CD72: variants seen among roughly 807,000 people sequenced by gnomAD.
CD72 encodes the protein B-cell differentiation antigen CD72.
In CD72, 28 loss-of-function variants were observed where a neutral mutation model predicts 50.7. That is an observed-to-expected ratio of 0.55 (90% CI 0.41 to 0.76). CD72 has a LOEUF of 0.76. Among genes scored for constraint, CD72 ranks in the 30% least tolerant of loss-of-function variants. CD72 has a pLI of 0.00. For synonymous variants in CD72, 176 were observed against 171.2 expected (o/e 1.03, Z -0.22); for missense variants, 403 against 420.6 (o/e 0.96, Z 0.37).
In CD72 at chr9:35,616,276, G is replaced by T. The variant is rs1490378715; in HGVS notation, c.355C>A (p.Leu119Met). The T allele has an allele frequency of 6.2e-7, 1 of 1,611,068 alleles. No homozygotes were observed. Among genetic ancestry groups the T allele is most frequent in the African/African-American group, 1.3e-5 (1 of 74,868 alleles). Residue 119 changes from leucine (L) to methionine (M), a missense_variant and splice_region_variant, in exon 5 of 9, where the codon CTG (leucine) becomes ATG (methionine). Transcript: ENST00000259633. Reference protein sequence around the residue: ...VTAICLGVRYLQVSQQLQQTN... With the variant: ...VTAICLGVRYMQVSQQLQQTN... ...TGCTGGAGCTGCTGAGACACCTGCA[G>T]ATCTGTTTGGCCACAGAGATTTGGT...
chr9:35,616,562 G>T, intron 4 of CD72, 38 bp downstream of exon 4: 1 of 1,516,972 alleles, frequency 6.6e-7, no homozygotes, highest in Non-Finnish European at 9.2e-7. Context: ...GACGAAAGTC[G>T]TTCGGTGTAA....
intron 1 of CD72, among the ~76,000 whole-genome samples, chr9:35,637,643 G>C (rs1051224785): frequency 1.3e-5 from 2 of 152,132 alleles, no homozygotes; most frequent in African/African-American, 2.4e-5. Flanking sequence ...CAAAACTCCG[G>C]CGCTGGTCAT....
chr9:35,614,027 A>G (rs1823032313), intron 5 of CD72, among the ~76,000 whole-genome samples: 1 of 152,136 alleles, frequency 6.6e-6, no homozygotes, highest in South Asian at 2.1e-4. Context: ...TCAAAAAAAA[A>G]AAAAAAGAAA....
intron 1 of CD72, among the ~76,000 whole-genome samples, chr9:35,639,632 G>C (rs12376747): frequency 0.41 from 61,683 of 151,954 alleles, 13,277 homozygotes; most frequent in Non-Finnish European, 0.47. Flanking sequence ...GAAAAAAGAG[G>C]TCATCTGTCC....
At chr9:35,624,956 C>T (rs189564212) in intron 1 of CD72, among the ~76,000 whole-genome samples, 17 of 152,098 alleles carry the variant, frequency 1.1e-4, no homozygotes, top group Non-Finnish European at 2.1e-4. Context: ...CTGGCTATTC[C>T]CTGTCTTGCT....
chr9:35,610,435 C>CT, intron 8 of CD72, 135 bp from the exon 9 acceptor site: 1 of 298,724 alleles, frequency 3.3e-6, no homozygotes, highest in South Asian at 2.8e-5. Context: ...CTGTCCCTCC[C>CT]TGCCCACCCC....
chr9:35,625,928 CTGCTCAT>C (rs1361868721), intron 1 of CD72, among the ~76,000 whole-genome samples: 2 of 152,162 alleles, frequency 1.3e-5, no homozygotes, highest in South Asian at 2.1e-4. Context: ...CAAGATATTA[CTGCTCAT>C]TGGCAATGTG....
At position 35,637,164 on chromosome 9, in the gene CD72, C is replaced by T. The variant is rs879558802; in HGVS notation, n.408+9239G>A. On this transcript the variant is annotated intron_variant and non_coding_transcript_variant, in intron 1 of 3. Transcript: ENST00000465754. ...TTTGTAAGAAGATCTACCCCCTGCC[C>T]GCAAAAAATTGCTCCTAACTCTATC... is the stretch of plus-strand genomic sequence containing the variant. Among the ~76,000 whole-genome samples the T allele has an allele frequency of 7.2e-5, 11 of 152,296 alleles. No individual in the cohort carries two copies. In the East Asian group the frequency reaches 7.7e-4, roughly 11 times the overall value.
chr9:35,611,976 G>T, intron 6 of CD72, 57 bp from the exon 7 acceptor site: 1 of 938,144 alleles, frequency 1.1e-6, no homozygotes, highest in Non-Finnish European at 1.8e-6. Context: ...AAATATGGAA[G>T]AAAATGCACA....
upstream of CD72, among the ~76,000 whole-genome samples, chr9:35,619,758 G>A (rs1823127141): frequency 6.6e-6 from 1 of 152,238 alleles, no homozygotes; most frequent in African/African-American, 2.4e-5. Context: ...CTGCCTGGAG[G>A]AGGAAGCCTT....
chr9:35,641,010 T>C (rs532165866), intron 1 of CD72, among the ~76,000 whole-genome samples: 4 of 152,366 alleles, frequency 2.6e-5, no homozygotes, highest in African/African-American at 9.6e-5. Flanking sequence ...TGCAGTCACC[T>C]TCCCAGCTAC....
chr9:35,645,759 C>T lies in CD72; in HGVS notation n.408+644G>A, dbSNP rs1420315902. ...CTCTGTTTCCCTCCTTGTAAGAAAA[C>T]CAAGCTGGAAGTTTAAACCCATCTT... On this transcript the variant is annotated intron_variant and non_coding_transcript_variant, in intron 1 of 3. Transcript: ENST00000465754. Among the ~76,000 whole-genome samples, 4 of 152,294 alleles carry T rather than the reference C, an allele frequency of 2.6e-5. No individual in the cohort carries two copies. The East Asian group carries it at 7.7e-4, about 29-fold the overall frequency.
chr9:35,631,492 CTT>C (rs557093714), intron 1 of CD72, among the ~76,000 whole-genome samples: 105 of 152,276 alleles, frequency 6.9e-4, no homozygotes, highest in African/African-American at 2.4e-3. Flanking sequence ...CAGTTTTCCT[CTT>C]TTTCTTTTTT....
Position 35,612,954 on chromosome 9 carries a change from C to G in CD72, c.728G>C (p.Ser243Thr), listed in dbSNP as rs772920257. 3 of 1,613,920 alleles carry G rather than the reference C, an allele frequency of 1.9e-6. No individual in the cohort carries two copies. The highest frequency in any genetic ancestry group is 2.5e-6 in the Non-Finnish European group (3 of 1,179,870). Reference protein sequence around the residue: ...CPSGWIMHQKSCFYISLTSKN... With the variant: ...CPSGWIMHQKTCFYISLTSKN... The stretch of plus-strand genomic sequence containing the variant: ...TGAAGTAAGTGAGATGTAAAAGCAG[C>G]TTTTCTGATGCATTATCCATCCCGA... Residue 243 changes from serine to threonine, a missense_variant, in exon 6 of 9, where the codon AGC becomes ACC. Transcript: ENST00000259633.
chr9:35,646,766 G>C (rs1156528990), exon 1 of CD72: 2 of 152,336 alleles, frequency 1.3e-5, no homozygotes, highest in African/African-American at 4.8e-5. Flanking sequence ...TGCGTTCCGC[G>C]AACTTGGGAG....
intron 1 of CD72, among the ~76,000 whole-genome samples, chr9:35,628,583 C>A (rs1407754787): frequency 6.6e-6 from 1 of 152,264 alleles, no homozygotes; most frequent in Non-Finnish European, 1.5e-5. Context: ...TCAGGCCTCA[C>A]CGCTGGCTGC....
At chr9:35,637,737 T>C (rs1390515398) in intron 1 of CD72, among the ~76,000 whole-genome samples, 1 of 152,164 alleles carries the variant, frequency 6.6e-6, no homozygotes, top group Non-Finnish European at 1.5e-5. Context: ...CATTGGTGTC[T>C]GATCACCACG....
intron 1 of CD72, among the ~76,000 whole-genome samples, chr9:35,634,384 CT>C (rs1260459399): frequency 1.3e-5 from 2 of 152,188 alleles, no homozygotes. Context: ...CAGAGTCTCA[CT>C]CTTGTTCCCC....
Position 35,616,081 on chromosome 9 carries a change from G to T in CD72, c.550C>A (p.Gln184Lys), listed in dbSNP as rs1190582873. The T allele has an allele frequency of 1.2e-6, 2 of 1,614,012 alleles. No homozygotes were observed. The highest frequency in any genetic ancestry group is 2.2e-5 in the South Asian group (2 of 91,082). The change falls in exon 5 of 9, where the codon CAG becomes AAG. Residue 184 changes from glutamine (Q) to lysine (K), a missense_variant. Physicochemically the swap from Gln to Lys is moderately conservative, Grantham distance 53. Coordinates refer to ENST00000259633, the MANE Select transcript of CD72 (RefSeq NM_001782.3). ...CTGTCTGCCTGGCAGGCCTGTAGCT[G>T]CCCTTCGGCCGCCTGATGAGCCCTC... ...EQRAHQAAEG[Q>K]LQACQADRQK...
Sources: gnomAD v4.1 joint callset for allele counts (sites outside exome capture counted in the v4.1 genomes callset) on GRCh38, gnomAD v4.1.1 for gene constraint, MANE v1.5 for transcripts, NCBI Gene and HGNC (gene_info 2026-07-23, HGNC 2026-07-21) for gene names.